The following CLASP2 variants were observed in gnomAD, a reference collection of about 807,000 sequenced individuals.
CLASP2 encodes cytoplasmic linker associated protein 2, also known as CLIP-associating protein 2.
Under a neutral mutation model 194.4 loss-of-function variants are expected in CLASP2, and 47 were observed. That is an observed-to-expected ratio of 0.24 (90% confidence interval 0.19 to 0.31). The LOEUF is 0.31. CLASP2 is among the 10% of genes least tolerant of loss of function. CLASP2 has a pLI of 1.00. For missense variants in CLASP2, 1,445 were observed against 1,823.6 expected (o/e 0.79, Z 3.78); for synonymous variants, 619 against 633.5 (o/e 0.98, Z 0.34).
At chr3:33,572,904 A>C (rs1388388682) in intron 25 of CLASP2, among the ~76,000 whole-genome samples, 1 of 150,362 alleles carries the variant, frequency 6.7e-6, no homozygotes, top group Non-Finnish European at 1.5e-5. Flanking sequence ...GCTTAATAGA[A>C]CAAATAATTT....
intron 28 of CLASP2, among the ~76,000 whole-genome samples, chr3:33,560,551 A>G (rs1158896614): frequency 5.9e-5 from 9 of 152,068 alleles, no homozygotes; most frequent in Admixed American, 5.9e-4. Flanking sequence ...CTGCTGATAC[A>G]TCAATTAAGA....
intron 2 of CLASP2, among the ~76,000 whole-genome samples, chr3:33,696,242 A>G (rs2091885902): frequency 6.6e-6 from 1 of 151,896 alleles, no homozygotes; most frequent in Non-Finnish European, 1.5e-5. Flanking sequence ...GGCAATGAAG[A>G]AACTGATCCT....
chr3:33,599,671 T>C (rs907319574), intron 18 of CLASP2, among the ~76,000 whole-genome samples: 2 of 152,074 alleles, frequency 1.3e-5, no homozygotes, highest in Non-Finnish European at 2.9e-5. Context: ...CTCTAATTCA[T>C]ACATGTATAG....
intron 29 of CLASP2, among the ~76,000 whole-genome samples, chr3:33,555,504 T>C (rs2060770749): frequency 6.6e-6 from 1 of 152,024 alleles, no homozygotes. Flanking sequence ...TAGATAAGAT[T>C]ACAGGTGTGC....
intron 36 of CLASP2, among the ~76,000 whole-genome samples, chr3:33,511,336 G>A (rs977179764): frequency 3.3e-5 from 5 of 151,940 alleles, no homozygotes; most frequent in Non-Finnish European, 5.9e-5. Context: ...TGCCGTGAGC[G>A]GCCTTAAAGT....
At chr3:33,695,568 G>GA (rs1415921001) in intron 2 of CLASP2, among the ~76,000 whole-genome samples, 1 of 151,952 alleles carries the variant, frequency 6.6e-6, no homozygotes, top group African/African-American at 2.4e-5. Context: ...CAAACATGAA[G>GA]AAAAAAGTTA....
intron 32 of CLASP2, among the ~76,000 whole-genome samples, chr3:33,540,654 G>C (rs895213130): frequency 2.6e-5 from 4 of 151,950 alleles, no homozygotes; most frequent in Non-Finnish European, 5.9e-5. Context: ...GGAAATGTTT[G>C]CAATATATTT....
At chr3:33,542,602 AT>A (rs2058537508) in intron 32 of CLASP2, among the ~76,000 whole-genome samples, 1 of 150,318 alleles carries the variant, frequency 6.7e-6, no homozygotes, top group Non-Finnish European at 1.5e-5. Flanking sequence ...CTAATGTCAT[AT>A]TTATGATATA....
chr3:33,512,557 T>TAAAAAA (rs71070140), intron 36 of CLASP2, among the ~76,000 whole-genome samples: 97 of 12,312 alleles, frequency 7.9e-3, no homozygotes, highest in African/African-American at 8.9e-3. Context: ...TAGAGTATAA[T>TAAAAAA]AAAAAAAAAA....
At chr3:33,510,887 A>G (rs773317931) in intron 36 of CLASP2, 123 bp from the exon 37 acceptor site, 26 of 869,922 alleles carry the variant, frequency 3.0e-5, no homozygotes, top group South Asian at 7.3e-5. Context: ...ATGCTACAGT[A>G]AACAAACATG....
At chr3:33,522,579 T>G (rs1412407526) in intron 34 of CLASP2, among the ~76,000 whole-genome samples, 1 of 152,100 alleles carries the variant, frequency 6.6e-6, no homozygotes, top group African/African-American at 2.4e-5. Flanking sequence ...GAAACTGCCC[T>G]TGAAAAAGAT....
At chr3:33,627,367 A>G (rs763887730) in intron 9 of CLASP2, 4 of 355,770 alleles carry the variant, frequency 1.1e-5, no homozygotes, top group Non-Finnish European at 1.6e-5. Flanking sequence ...CTAAGAATAA[A>G]TAAAAGTCTA....
intron 23 of CLASP2, chr3:33,577,375 G>C (rs527979639): frequency 2.5e-5 from 20 of 807,312 alleles, no homozygotes; most frequent in Non-Finnish European, 3.5e-5. Context: ...ATTCTTTATA[G>C]TTAATGATCA....
chr3:33,611,029 G>A (rs1335130398), intron 13 of CLASP2, among the ~76,000 whole-genome samples: 1 of 152,092 alleles, frequency 6.6e-6, no homozygotes, highest in Non-Finnish European at 1.5e-5. Context: ...TCAAAATGAA[G>A]TCATTTGTGT....
intron 18 of CLASP2, among the ~76,000 whole-genome samples, chr3:33,597,428 T>C (rs1290192013): frequency 6.6e-6 from 1 of 152,170 alleles, no homozygotes; most frequent in Non-Finnish European, 1.5e-5. Context: ...CCTCTGGTAA[T>C]CGTTTTGGAT....
chr3:33,680,242 G>C (rs564741698), intron 6 of CLASP2, among the ~76,000 whole-genome samples: 10 of 152,300 alleles, frequency 6.6e-5, no homozygotes, highest in South Asian at 2.1e-4. Flanking sequence ...TTTTAAGGCA[G>C]TAAAACTATT....
Position 33,620,997 on chromosome 3 carries a change from T to TTGTGTGTG in CLASP2, c.1181+1130_1181+1137dup, listed in dbSNP as rs60682503. Among the ~76,000 whole-genome samples, 87 of 142,666 alleles carry TTGTGTGTG rather than the reference T, an allele frequency of 6.1e-4. 2 individuals are homozygous for TTGTGTGTG. Among genetic ancestry groups the TTGTGTGTG allele is most frequent in the Admixed American group, 1.6e-3 (23 of 14,334 alleles). 93.6% of individuals were successfully genotyped at this position (142,666 alleles called of 152,430 possible). On this transcript the variant is annotated intron_variant, in intron 11 of 38. Transcript: ENST00000682230. ...CCCATATTATGATCTCTGTAGCTCT[T>TTGTGTGTG]TGTGTGTGTGTGTGTGTGTGTGTGT... is the stretch of plus-strand genomic sequence containing the variant.
chr3:33,510,464 C>A, intron 37 of CLASP2, 94 bp downstream of exon 37: 2 of 1,149,886 alleles, frequency 1.7e-6, no homozygotes, highest in South Asian at 1.4e-5. Flanking sequence ...GGGAGGAAGG[C>A]TTGATCATGC....
chr3:33,500,000 T>A (rs909238076), intron 38 of CLASP2, among the ~76,000 whole-genome samples: 10 of 152,144 alleles, frequency 6.6e-5, no homozygotes, highest in African/African-American at 2.4e-4. Context: ...CATGACTTTA[T>A]GAAGTTTGTA....
Sources: allele counts gnomAD v4.1 joint callset (sites outside exome capture counted in the v4.1 genomes callset), GRCh38; gene constraint gnomAD v4.1.1; transcripts MANE v1.5; gene names NCBI Gene and HGNC (gene_info 2026-07-23, HGNC 2026-07-21).